OCA2: variants seen among roughly 807,000 people sequenced by gnomAD.
OCA2 encodes P protein.
In OCA2, 77 loss-of-function variants were observed where a neutral mutation model predicts 100.2. The observed-to-expected ratio is 0.77, with a 90% CI of 0.64 to 0.93. The LOEUF is 0.93. Ranked by LOEUF, OCA2 falls within the 40% of genes least tolerant of loss-of-function variation. OCA2 has a pLI of 0.00. For missense variants in OCA2, 1,062 were observed against 1,089.1 expected, an observed-to-expected ratio of 0.98 and a Z score of 0.35; for synonymous variants, 432 against 439.2, an observed-to-expected ratio of 0.98 and a Z score of 0.21.
chr15:27,904,660 C>T (rs1285292223), intron 19 of OCA2, among the ~76,000 whole-genome samples: 1 of 152,176 alleles, frequency 6.6e-6, no homozygotes, highest in Non-Finnish European at 1.5e-5. Flanking sequence ...TCCTCCCCAA[C>T]TCCTGGGGAT....
the OCA2 span, among the ~76,000 whole-genome samples, chr15:27,733,144 C>G: frequency 6.6e-6 from 1 of 152,160 alleles, no homozygotes; most frequent in African/African-American, 2.4e-5. Context: ...CATCAAAATA[C>G]CTCAATTTTG....
chr15:28,020,445 C>G (rs2042557973), intron 6 of OCA2, among the ~76,000 whole-genome samples: 1 of 152,036 alleles, frequency 6.6e-6, no homozygotes, highest in South Asian at 2.1e-4. Context: ...AGGATCCAGC[C>G]TCCCCCTTCA....
intron 23 of OCA2, among the ~76,000 whole-genome samples, chr15:27,766,060 G>C (rs1375908517): frequency 6.6e-6 from 1 of 152,108 alleles, no homozygotes; most frequent in Non-Finnish European, 1.5e-5. Context: ...AGACAGCTCT[G>C]ACAAAGGAAC....
chr15:27,802,723 C>T (rs962316753), intron 23 of OCA2, among the ~76,000 whole-genome samples: 4 of 152,052 alleles, frequency 2.6e-5, no homozygotes, highest in African/African-American at 9.7e-5. Context: ...CCTCCCACAC[C>T]CAAAATAAAC....
chr15:27,934,892 G>A (rs958691950), intron 18 of OCA2, among the ~76,000 whole-genome samples: 9 of 152,062 alleles, frequency 5.9e-5, no homozygotes, highest in South Asian at 2.1e-4. Flanking sequence ...ACTTTTAATC[G>A]CACTGCCTGC....
the OCA2 span, among the ~76,000 whole-genome samples, chr15:27,741,348 C>T: frequency 1.3e-5 from 2 of 152,130 alleles, no homozygotes; most frequent in African/African-American, 4.8e-5. Flanking sequence ...GAGGCTTTGA[C>T]CATCAGACCT....
intron 23 of OCA2, among the ~76,000 whole-genome samples, chr15:27,823,106 T>G (rs1404586195): frequency 6.6e-6 from 1 of 152,246 alleles, no homozygotes; most frequent in Non-Finnish European, 1.5e-5. Flanking sequence ...ATATTCAAAA[T>G]AAAATTCGTT....
chr15:27,960,797 G>A (rs2040384730), intron 15 of OCA2, among the ~76,000 whole-genome samples: 3 of 151,768 alleles, frequency 2.0e-5, no homozygotes, highest in Admixed American at 1.3e-4. Context: ...TCAGCTGCTT[G>A]GAAGACTAAG....
chr15:27,819,029 G>T (rs2034409312), intron 23 of OCA2, among the ~76,000 whole-genome samples: 1 of 152,144 alleles, frequency 6.6e-6, no homozygotes, highest in Admixed American at 6.5e-5. Context: ...ATGACACTTT[G>T]CCACTTACTA....
intron 19 of OCA2, among the ~76,000 whole-genome samples, chr15:27,875,544 A>G (rs972041793): frequency 6.6e-6 from 1 of 152,124 alleles, no homozygotes; most frequent in Non-Finnish European, 1.5e-5. Flanking sequence ...TCTCTGCAGA[A>G]AAACCTAGTT....
intron 19 of OCA2, among the ~76,000 whole-genome samples, chr15:27,913,803 CAAA>C (rs201957903): frequency 1.6e-5 from 1 of 64,424 alleles, no homozygotes; most frequent in Non-Finnish European, 3.5e-5. Flanking sequence ...AGAGACACAA[CAAA>C]AAAAAAAAAG....
chr15:27,940,747 T>C (rs2039618705), intron 18 of OCA2, among the ~76,000 whole-genome samples: 1 of 152,248 alleles, frequency 6.6e-6, no homozygotes, highest in Non-Finnish European at 1.5e-5. Flanking sequence ...TTGTTCAGTT[T>C]TGTTCCAATT....
At chr15:27,973,807 A>G (rs1293942701) in intron 14 of OCA2, among the ~76,000 whole-genome samples, 8 of 152,194 alleles carry the variant, frequency 5.3e-5, no homozygotes, top group Non-Finnish European at 1.2e-4. Context: ...GACTCTTCCA[A>G]TCCATAAGTA....
At chr15:28,027,189 C>T (rs1344600010) in intron 4 of OCA2, among the ~76,000 whole-genome samples, 1 of 152,204 alleles carries the variant, frequency 6.6e-6, no homozygotes, top group Admixed American at 6.5e-5. Context: ...CGCACACGCT[C>T]GGCCTCCCAC....
chr15:27,896,423 T>C, intron 19 of OCA2: 2 of 707,186 alleles, frequency 2.8e-6, no homozygotes, highest in Non-Finnish European at 5.2e-6. Flanking sequence ...AGAAAGCTCA[T>C]GCTGCTATAT....
At chr15:28,063,560 T>C (rs560581869) in intron 2 of OCA2, among the ~76,000 whole-genome samples, 1 of 152,274 alleles carries the variant, frequency 6.6e-6, no homozygotes, top group South Asian at 2.1e-4. Flanking sequence ...TTCTTCTTTT[T>C]TTACTATATG....
In OCA2 at chr15:27,955,183, G is replaced by A. The variant is rs1440067006; in HGVS notation, c.1817C>T (p.Thr606Ile). 9 of 1,612,374 alleles carry A rather than the reference G, an allele frequency of 5.6e-6. No homozygotes were observed. The highest frequency in any genetic ancestry group is 2.2e-5 in the East Asian group (1 of 44,888). Residue 606 changes from threonine (T) to isoleucine (I), a missense_variant, in exon 17 of 24, where the codon ACC becomes ATC. Transcript: ENST00000354638. ...QISQEDKNWE[T>I]NIQELQKKHR... ...CTTTTTTTGGAGTTCTTGGATATTGGTCTCCCAATTTTTGTCCTCCTGTGA... is the reference window on the plus strand; with the variant it reads ...CTTTTTTTGGAGTTCTTGGATATTGATCTCCCAATTTTTGTCCTCCTGTGA...
chr15:27,924,460 AT>A (rs148579949), intron 19 of OCA2, among the ~76,000 whole-genome samples: 1,767 of 152,264 alleles, frequency 0.012, 28 homozygotes, highest in African/African-American at 0.036. Context: ...AATTGAAATG[AT>A]AAAACTATTA....
intron 23 of OCA2, among the ~76,000 whole-genome samples, chr15:27,827,466 T>G (rs1326960399): frequency 1.3e-5 from 2 of 151,500 alleles, no homozygotes; most frequent in African/African-American, 4.9e-5. Context: ...AGCTGGGGAG[T>G]GCAATTAGCA....
Sources: allele counts gnomAD v4.1 joint callset (sites outside exome capture counted in the v4.1 genomes callset), GRCh38; gene constraint gnomAD v4.1.1; transcripts MANE v1.5; gene names NCBI Gene and HGNC (gene_info 2026-07-23, HGNC 2026-07-21).